RCAN2: variants seen among roughly 807,000 people sequenced by gnomAD.
RCAN2 encodes the protein regulator of calcineurin 2.
In RCAN2, 9 loss-of-function variants were observed where a neutral mutation model predicts 23.6. The observed-to-expected ratio is 0.38, with a 90% CI of 0.23 to 0.67. RCAN2 has a LOEUF of 0.67. Ranked by LOEUF, RCAN2 falls within the 30% of genes least tolerant of loss-of-function variation. The probability of loss-of-function intolerance (pLI) is 0.51; values close to 1 mark genes in which losing one functional copy is unlikely to be tolerated. For missense variants in RCAN2, 273 were observed against 302.3 expected (o/e 0.90, Z 0.72); for synonymous variants, 109 against 115.7 (o/e 0.94, Z 0.37).
At chr6:46,446,269 T>C (rs866378037) in intron 2 of RCAN2, among the ~76,000 whole-genome samples, 2 of 141,622 alleles carry the variant, frequency 1.4e-5, no homozygotes, top group African/African-American at 5.1e-5. Flanking sequence ...GGATAATATA[T>C]TCAAAGTGAT....
intron 1 of RCAN2, among the ~76,000 whole-genome samples, chr6:46,468,620 T>A (rs1251901093): frequency 6.6e-6 from 1 of 152,180 alleles, no homozygotes; most frequent in Non-Finnish European, 1.5e-5. Flanking sequence ...CGTTTTTACA[T>A]CTCCTTCCAT....
At chr6:46,376,855 T>C (rs377100895) in intron 2 of RCAN2, among the ~76,000 whole-genome samples, 85 of 151,502 alleles carry the variant, frequency 5.6e-4, no homozygotes, top group African/African-American at 2.0e-3. Context: ...AGTTTTCACT[T>C]CCCCCCGCCC....
intron 4 of RCAN2, among the ~76,000 whole-genome samples, chr6:46,233,356 GT>G (rs1049624254): frequency 6.6e-6 from 1 of 152,214 alleles, no homozygotes; most frequent in African/African-American, 2.4e-5. Context: ...GGTGATTCTT[GT>G]TTTTATGTAT....
chr6:46,358,757 C>T (rs556529743), intron 2 of RCAN2, among the ~76,000 whole-genome samples: 1 of 152,198 alleles, frequency 6.6e-6, no homozygotes, highest in African/African-American at 2.4e-5. Flanking sequence ...GATCAGTGGT[C>T]CTCAGCTCTG....
intron 2 of RCAN2, among the ~76,000 whole-genome samples, chr6:46,320,953 A>G (rs1443821301): frequency 6.6e-6 from 1 of 152,156 alleles, no homozygotes. Context: ...ACCTAAATGA[A>G]TGAATGATTG....
rs766406263 is a variant in RCAN2, at chr6:46,223,307, A to G, written c.572-6T>C. ...ATGGAGCTCATACTTCTCTCCTGAA[A>G]AGCAAGAAAAATGGAAGTGAGAAAG... On this transcript the variant is annotated splice_region_variant and splice_polypyrimidine_tract_variant and intron_variant, in intron 4 of 4. Coordinates refer to ENST00000371374, the MANE Select transcript of RCAN2 (RefSeq NM_001251974.2). The G allele has an allele frequency of 2.5e-6, 4 of 1,611,106 alleles. No individual in the cohort carries two copies. The African/African-American group carries it at 4.0e-5, about 16-fold the overall frequency.
At chr6:46,400,052 C>A (rs1317148602) in intron 2 of RCAN2, among the ~76,000 whole-genome samples, 2 of 152,220 alleles carry the variant, frequency 1.3e-5, no homozygotes, top group African/African-American at 4.8e-5. Flanking sequence ...TCTCCTGCAT[C>A]TGCAAATTCT....
At position 46,431,952 on chromosome 6, in the gene RCAN2, T is replaced by G. The variant is rs531318062; in HGVS notation, c.225+24800A>C. On this transcript the variant is annotated intron_variant, in intron 2 of 4. Transcript: ENST00000371374. Reference sequence around the variant, plus strand: ...TGTTTATATGTCAAAAGCATGACAATTCCATTCAAAATTGGATATATTGAA... The same window carrying G: ...TGTTTATATGTCAAAAGCATGACAAGTCCATTCAAAATTGGATATATTGAA... 8.5e-5 allele frequency among the ~76,000 whole-genome samples: 13 copies of G among 152,326 alleles called. No homozygotes were observed. The South Asian group carries it at 2.7e-3, about 32-fold the overall frequency.
chr6:46,258,807 T>C (rs186022237), intron 2 of RCAN2, among the ~76,000 whole-genome samples: 61 of 152,280 alleles, frequency 4.0e-4, no homozygotes, highest in Admixed American at 1.1e-3. Context: ...TTAGTCATCA[T>C]CTAAACACTT....
chr6:46,491,033 CCCCGCCCCCGCCCTGCA>C (rs1769128499), intron 1 of RCAN2, 123 bp downstream of exon 1: 1 of 150,144 alleles, frequency 6.7e-6, no homozygotes, highest in African/African-American at 2.4e-5. Context: ...CCGCCCCCGC[CCCCGCCCCCGCCCTGCA>C]CCCAGACCCG....
At chr6:46,444,496 A>G (rs928640027) in intron 2 of RCAN2, among the ~76,000 whole-genome samples, 3 of 152,154 alleles carry the variant, frequency 2.0e-5, no homozygotes, top group African/African-American at 4.8e-5. Flanking sequence ...GCTGGTACCC[A>G]TGGACTCAGC....
At chr6:46,372,544 C>G (rs1367375638) in intron 2 of RCAN2, among the ~76,000 whole-genome samples, 2 of 152,190 alleles carry the variant, frequency 1.3e-5, no homozygotes, top group Non-Finnish European at 2.9e-5. Context: ...AATTGGTCCT[C>G]TACTGCAAAG....
At chr6:46,360,297 C>T (rs993171821) in intron 2 of RCAN2, among the ~76,000 whole-genome samples, 9 of 151,852 alleles carry the variant, frequency 5.9e-5, no homozygotes, top group African/African-American at 2.2e-4. Context: ...CTTTGGGAGG[C>T]CGAGGTGGGC....
At chr6:46,344,415 C>A (rs1481563767) in intron 2 of RCAN2, among the ~76,000 whole-genome samples, 10 of 151,796 alleles carry the variant, frequency 6.6e-5, no homozygotes, top group Non-Finnish European at 1.5e-4. Flanking sequence ...GACTGGAAGG[C>A]ATAAATTTGT....
intron 2 of RCAN2, among the ~76,000 whole-genome samples, chr6:46,339,014 CAAAAAAAAAAA>C (rs3997300): frequency 6.4e-5 from 3 of 47,112 alleles, no homozygotes; most frequent in East Asian, 6.2e-4. Context: ...GACCCTGTCT[CAAAAAAAAAAA>C]AAAAAAAAAA....
At position 46,278,442 on chromosome 6, in the gene RCAN2, A is replaced by T. The variant is rs773938504; in HGVS notation, c.226-29546T>A. On this transcript the variant is annotated intron_variant, in intron 2 of 4. Coordinates refer to ENST00000371374, the MANE Select transcript of RCAN2 (RefSeq NM_001251974.2). ...CTTTATTCCTGAATCATTTGAGAAA[A>T]GTTTCAGATCTATGCCCTTTTACCT... 7.1e-4 allele frequency among the ~76,000 whole-genome samples: 108 copies of T among 152,250 alleles called. 1 individual carries two copies. Among genetic ancestry groups the T allele is most frequent in the Non-Finnish European group, 2.9e-4 (20 of 67,992 alleles).
chr6:46,441,900 A>T (rs1458717918), intron 2 of RCAN2, among the ~76,000 whole-genome samples: 2 of 152,246 alleles, frequency 1.3e-5, no homozygotes, highest in East Asian at 3.8e-4. Flanking sequence ...CCACTCTCAC[A>T]GAGAAAATAG....
rs115666246 is a variant in RCAN2 at position 46,288,332 on chromosome 6, G to A, written c.226-39436C>T. ...GGCTCTGAGGCTTATTCTCTCATGC[G>A]GGATCCTTCCCGTTAAGGAATCCCA... On this transcript the variant is annotated intron_variant, in intron 2 of 4. Transcript: ENST00000371374. Among the ~76,000 whole-genome samples the A allele has an allele frequency of 5.4e-3, 827 of 152,256 alleles. 6 individuals are homozygous for A. Among genetic ancestry groups the A allele is most frequent in the African/African-American group, 0.018 (762 of 41,548 alleles).
chr6:46,439,643 T>C (rs1332067110), intron 2 of RCAN2, among the ~76,000 whole-genome samples: 1 of 152,200 alleles, frequency 6.6e-6, no homozygotes, highest in Non-Finnish European at 1.5e-5. Flanking sequence ...GAGATGTTTC[T>C]GGGGGAAAGA....
Sources: allele counts gnomAD v4.1 joint callset (sites outside exome capture counted in the v4.1 genomes callset), GRCh38; gene constraint gnomAD v4.1.1; transcripts MANE v1.5; gene names NCBI Gene and HGNC (gene_info 2026-07-23, HGNC 2026-07-21).